Variants in ONECUT3 observed in about 807,000 individuals in gnomAD.
ONECUT3 encodes the protein one cut homeobox 3, also known as one cut domain family member 3.
ONECUT3 carries 11 observed loss-of-function variants against 16.8 expected under a neutral mutation model. The ratio of observed to expected loss-of-function variants is 0.66; its 90% confidence interval spans 0.41 to 1.09. ONECUT3 has a LOEUF of 1.09. Ranked by LOEUF, ONECUT3 falls within the 50% of genes least tolerant of loss-of-function variation. The pLI, the probability that ONECUT3 is intolerant of heterozygous loss-of-function variation, is 0.00. For missense variants in ONECUT3, 637 were observed against 629.9 expected (o/e 1.01, Z -0.12); for synonymous variants, 344 against 310.7 (o/e 1.11, Z -1.13).
intron 1 of ONECUT3, among the ~76,000 whole-genome samples, chr19:1,768,222 G>A (rs1239907582): frequency 1.3e-5 from 2 of 151,918 alleles, no homozygotes; most frequent in Non-Finnish European, 2.9e-5. Flanking sequence ...TTAGACAAGG[G>A]GTGTTGGGGT....
chr19:1,771,711 G>A (rs1196909863), intron 1 of ONECUT3, among the ~76,000 whole-genome samples: 5 of 152,074 alleles, frequency 3.3e-5, no homozygotes, highest in Admixed American at 6.6e-5. Context: ...CTGGGGTCTC[G>A]CTCTGTCATC....
Position 1,761,978 on chromosome 19 carries a change from G to A in ONECUT3, c.1192+7124G>A, listed in dbSNP as rs538586474. Among the ~76,000 whole-genome samples, 9 of 152,282 alleles carry A rather than the reference G, an allele frequency of 5.9e-5. No individual in the cohort carries two copies. In the South Asian group the frequency reaches 1.9e-3, roughly 32 times the overall value. ...GAAGATGTGCCTGGCACAGGCTGCTGGAGAGGCGTGCCCGGGTCACAAGTG... is the reference window on the plus strand; with the variant it reads ...GAAGATGTGCCTGGCACAGGCTGCTAGAGAGGCGTGCCCGGGTCACAAGTG... On this transcript the variant is annotated intron_variant, in intron 1 of 1. Transcript: ENST00000382349.
chr19:1,757,180 C>G (rs1009647453), intron 1 of ONECUT3, among the ~76,000 whole-genome samples: 4 of 152,188 alleles, frequency 2.6e-5, no homozygotes, highest in Non-Finnish European at 5.9e-5. Flanking sequence ...ACCCAGCACC[C>G]GCCCTGAGTG....
At position 1,775,685 on chromosome 19, in the gene ONECUT3, C is replaced by A. The variant is rs964331169; in HGVS notation, c.*240C>A. The A allele has an allele frequency of 1.3e-4, 51 of 392,126 alleles. No homozygotes were observed. The highest frequency in any genetic ancestry group is 6.7e-4 in the South Asian group (14 of 20,940). 24.3% of individuals were successfully genotyped at this position (392,126 alleles called of 1,614,324 possible). On this transcript the variant is annotated 3_prime_UTR_variant, in exon 2 of 2. Coordinates refer to ENST00000382349, the MANE Select transcript of ONECUT3 (RefSeq NM_001080488.2). ...CCAGGCCAAAGGAAGCCCTCCACCCCCCCCCGGAGGGGAGGGAGTGACAGA... is the reference window on the plus strand; with the variant it reads ...CCAGGCCAAAGGAAGCCCTCCACCCACCCCCGGAGGGGAGGGAGTGACAGA...
Position 1,754,325 on chromosome 19 carries a change from A to AC in ONECUT3, c.668dup (p.Pro224AlafsTer252). On this transcript the variant is annotated frameshift_variant, in exon 1 of 2. Transcript: ENST00000382349. LOFTEE classifies it high-confidence loss of function. This position sits in a 1 kb window ranked among gnomAD's most constrained non-coding sequence, Gnocchi z 7.4. ...CCCCGCAGCCCCCGCCGCCGCCACC[A>AC]CCCCCGCCGCTGGCCGCCTACGGCC... 1 of 1,050,672 alleles carries AC rather than the reference A, an allele frequency of 9.5e-7. No homozygotes were observed. Among genetic ancestry groups the AC allele is most frequent in the Non-Finnish European group, 1.1e-6 (1 of 878,072 alleles). The allele number at this position is 1,050,672 out of a possible 1,614,324, so 65.1% of individuals were successfully genotyped here. A position where few individuals can be genotyped will look rare whatever the true frequency, so the allele number is the denominator to read the frequency against.
chr19:1,757,777 T>C (rs2145957211), intron 1 of ONECUT3, among the ~76,000 whole-genome samples: 1 of 152,232 alleles, frequency 6.6e-6, no homozygotes, highest in East Asian at 1.9e-4. Context: ...TGGCGGCAAA[T>C]CGCGGCGGTT....
rs1250824274 is a variant in ONECUT3 at position 1,766,560 on chromosome 19, G to A, written c.1193-8593G>A. Among the ~76,000 whole-genome samples the A allele has an allele frequency of 6.6e-6, 1 of 150,598 alleles. No homozygotes were observed. The highest frequency in any genetic ancestry group is 2.4e-5 in the African/African-American group (1 of 41,268). ...AGGGAGGAAAAGAAAAGAGCAGAGA[G>A]GGGAGAGGGAGGGAGGGTGAGTGGA... is the stretch of plus-strand genomic sequence containing the variant. On this transcript the variant is annotated intron_variant, in intron 1 of 1. Coordinates refer to ENST00000382349, the MANE Select transcript of ONECUT3 (RefSeq NM_001080488.2). The surrounding 1 kb of genome is among the most constrained non-coding windows in gnomAD (Gnocchi z 4.0).
At chr19:1,761,517 C>A (rs886814484) in intron 1 of ONECUT3, among the ~76,000 whole-genome samples, 4 of 152,166 alleles carry the variant, frequency 2.6e-5, no homozygotes, top group Middle Eastern at 3.2e-3. Context: ...TGGCCTCCTG[C>A]GTGGATGTGG....
In ONECUT3 at chr19:1,775,477, A is replaced by C; in HGVS notation, c.*32A>C. On this transcript the variant is annotated 3_prime_UTR_variant, in exon 2 of 2. Coordinates refer to ENST00000382349, the MANE Select transcript of ONECUT3 (RefSeq NM_001080488.2). ...CCGGCCCCGCGCCCTCCCTGCCTCC[A>C]CGGCCTGGGCGCTGTGCCCCCACGT... is the stretch of plus-strand genomic sequence containing the variant. 7.0e-7 allele frequency: 1 copy of C among 1,430,074 alleles called. No homozygotes were observed. The highest frequency in any genetic ancestry group is 9.1e-7 in the Non-Finnish European group (1 of 1,099,846). 88.6% of individuals were successfully genotyped at this position (1,430,074 alleles called of 1,614,324 possible).
Position 1,753,860 on chromosome 19 carries a change from G to GGGCGCGGGC in ONECUT3, c.208_216dup (p.Gly70_Gly72dup), listed in dbSNP as rs1157364607. 25 of 975,494 alleles carry GGGCGCGGGC rather than the reference G, an allele frequency of 2.6e-5. No individual in the cohort carries two copies. In the East Asian group the frequency reaches 7.0e-4, roughly 27 times the overall value. 60.4% of individuals were successfully genotyped at this position (975,494 alleles called of 1,614,324 possible). ...GCGGCGGCGGCGGTGGGGGCGCCGG[G>GGGCGCGGGC]GGCGCGGGCGGCGCGGGCAGCGCGG... On this transcript the variant is annotated inframe_insertion, in exon 1 of 2. Transcript: ENST00000382349.
Position 1,754,192 on chromosome 19 carries a change from C to T in ONECUT3, c.530C>T (p.Ala177Val), listed in dbSNP as rs1050302987. Residue 177 changes from alanine to valine, a missense_variant, in exon 1 of 2, where the codon GCG becomes GTG. Transcript: ENST00000382349. This position sits in a 1 kb window ranked among gnomAD's most constrained non-coding sequence, Gnocchi z 7.4. ...SFTLMRDERA[A>V]LASVGHLYGP... ...ACCCTCATGCGCGACGAGCGGGCGG[C>T]GCTCGCCTCCGTGGGCCACCTCTAC... The T allele has an allele frequency of 4.4e-6, 5 of 1,144,716 alleles. No homozygotes were observed. The highest frequency in any genetic ancestry group is 1.7e-5 in the African/African-American group (1 of 59,526). 70.9% of individuals were successfully genotyped at this position (1,144,716 alleles called of 1,614,324 possible).
chr19:1,771,435 T>A (rs2068054091), intron 1 of ONECUT3, among the ~76,000 whole-genome samples: 1 of 152,240 alleles, frequency 6.6e-6, no homozygotes, highest in African/African-American at 2.4e-5. Flanking sequence ...TGCACCTTCA[T>A]GTTTGGTCTT....
chr19:1,761,784 C>T (rs1341510514), intron 1 of ONECUT3, among the ~76,000 whole-genome samples: 1 of 152,180 alleles, frequency 6.6e-6, no homozygotes, highest in Non-Finnish European at 1.5e-5. Context: ...ACACCTACGG[C>T]CTCAGTTTTC....
intron 1 of ONECUT3, among the ~76,000 whole-genome samples, chr19:1,760,812 C>T (rs891862325): frequency 6.6e-6 from 1 of 152,140 alleles, no homozygotes; most frequent in East Asian, 1.9e-4. Context: ...CGCTCGCCCC[C>T]AACACAGAGG....
In ONECUT3 at chr19:1,762,418, T is replaced by C. The variant is rs114532016; in HGVS notation, c.1192+7564T>C. Among the ~76,000 whole-genome samples, 844 of 152,310 alleles carry C rather than the reference T, an allele frequency of 5.5e-3. 13 individuals are homozygous for C. Among genetic ancestry groups the C allele is most frequent in the African/African-American group, 0.02 (811 of 41,574 alleles). On this transcript the variant is annotated intron_variant, in intron 1 of 1. Coordinates refer to ENST00000382349, the MANE Select transcript of ONECUT3 (RefSeq NM_001080488.2). This position sits in a 1 kb window ranked among gnomAD's most constrained non-coding sequence, Gnocchi z 4.4. ...TTGCGGGGCAGCAGGGGTCCACGCA[T>C]TTCCAAGCGCCCTTTCCCGTCCAAG...
intron 1 of ONECUT3, among the ~76,000 whole-genome samples, chr19:1,757,689 G>A (rs958846194): frequency 2.0e-5 from 3 of 152,254 alleles, no homozygotes; most frequent in African/African-American, 7.2e-5. Flanking sequence ...AGAGGTGGCG[G>A]GGGCGAGGGC....
chr19:1,763,158 G>A (rs2067955383), intron 1 of ONECUT3, among the ~76,000 whole-genome samples: 2 of 152,028 alleles, frequency 1.3e-5, no homozygotes, highest in South Asian at 2.1e-4. Context: ...GAGGCCAGGA[G>A]TTCGAGACCA....
rs1007231441 is a variant in ONECUT3 at position 1,754,948 on chromosome 19, C to A, written c.1192+94C>A. On this transcript the variant is annotated intron_variant, in intron 1 of 1. Transcript: ENST00000382349. The surrounding 1 kb of genome is among the most constrained non-coding windows in gnomAD (Gnocchi z 7.4). ...CGGCGGCCGATGCCCGGGGCCAGCG[C>A]CCCAAGCCCCGCCCGTGCGCCCCGG... is the stretch of plus-strand genomic sequence containing the variant. 6 of 1,273,394 alleles carry A rather than the reference C, an allele frequency of 4.7e-6. No homozygotes were observed. In the African/African-American group the frequency reaches 7.8e-5, roughly 17 times the overall value. 78.9% of individuals were successfully genotyped at this position (1,273,394 alleles called of 1,614,324 possible).
intron 1 of ONECUT3, among the ~76,000 whole-genome samples, chr19:1,771,729 G>C (rs183312420): frequency 2.2e-3 from 342 of 152,202 alleles, no homozygotes; most frequent in Non-Finnish European, 3.7e-3. Flanking sequence ...ATCCAGGCTG[G>C]AGTGCAGTAT....
Sources: allele counts gnomAD v4.1 joint callset (sites outside exome capture counted in the v4.1 genomes callset), GRCh38; gene constraint gnomAD v4.1.1; non-coding constraint Gnocchi (gnomAD v3.1); transcripts MANE v1.5; gene names NCBI Gene and HGNC (gene_info 2026-07-23, HGNC 2026-07-21).